Variants in IGSF9B observed in about 807,000 individuals in gnomAD.
IGSF9B encodes protein turtle homolog B.
In IGSF9B, 48 loss-of-function variants were observed where a neutral mutation model predicts 143.7. That is an observed-to-expected ratio of 0.33 (90% CI 0.26 to 0.42). The LOEUF (loss-of-function observed/expected upper bound fraction) is 0.42, where lower values mean the gene tolerates loss of function less well. IGSF9B is among the 20% of genes least tolerant of loss of function. The pLI, the probability that IGSF9B is intolerant of heterozygous loss-of-function variation, is 1.00. For missense variants in IGSF9B, 1,706 were observed against 1,980.0 expected, an observed-to-expected ratio of 0.86 and a Z score of 2.63; for synonymous variants, 903 against 833.1, an observed-to-expected ratio of 1.08 and a Z score of -1.44.
At position 133,924,805 on chromosome 11, in the gene IGSF9B, C is replaced by T. The variant is rs754521385; in HGVS notation, c.2119+15G>A. 1 of 1,611,874 alleles carries T rather than the reference C, an allele frequency of 6.2e-7. No homozygotes were observed. Among genetic ancestry groups the T allele is most frequent in the South Asian group, 1.1e-5 (1 of 91,036 alleles). On this transcript the variant is annotated intron_variant, in intron 15 of 19. Transcript: ENST00000533871. ...ATGTCCCTATAGTTGCAAGAGCACCCTCAACCCAAAATACCTGTGCTGGAG... is the reference window on the plus strand; with the variant it reads ...ATGTCCCTATAGTTGCAAGAGCACCTTCAACCCAAAATACCTGTGCTGGAG...
chr11:133,920,722 CA>C lies in IGSF9B; in HGVS notation c.3002del (p.Leu1001ArgfsTer27), dbSNP rs1939513356. On this transcript the variant is annotated frameshift_variant, in exon 18 of 20. Transcript: ENST00000533871. LOFTEE classifies it high-confidence loss of function. ...PLSSVMSSPP[L>X]PTEGPFGHPT... ...GGTGGCCAAAGGGCCCCTCGGTGGG[CA>C]GGGGCGGGGACGACATGACGGAGCT... 1 of 1,612,762 alleles carries C rather than the reference CA, an allele frequency of 6.2e-7. No individual in the cohort carries two copies.
At chr11:133,921,463 C>T in intron 17 of IGSF9B, 66 bp from the exon 18 acceptor site, 1 of 1,271,908 alleles carries the variant, frequency 7.9e-7, no homozygotes, top group South Asian at 1.7e-5. Context: ...GACTTCCTTT[C>T]CCTCTCTCGG....
chr11:133,902,018 CACACACCATACCA>C lies in IGSF9B; in HGVS notation c.*7038_*7050del, dbSNP rs1446862394. Among the ~76,000 whole-genome samples the C allele has an allele frequency of 7.3e-6, 1 of 137,044 alleles. No individual in the cohort carries two copies. Among genetic ancestry groups the C allele is most frequent in the Admixed American group, 7.1e-5 (1 of 14,074 alleles). The allele number at this position is 137,044 out of a possible 152,430, so 89.9% of individuals were successfully genotyped here. A position where few individuals can be genotyped will look rare whatever the true frequency, so the allele number is the denominator to read the frequency against. The stretch of plus-strand genomic sequence containing the variant: ...CACACACACACACACACCAGACATA[CACACACCATACCA>C]CACACCACACCCACACACAATACAC... On this transcript the variant is annotated 3_prime_UTR_variant, in exon 20 of 20. Coordinates refer to ENST00000533871, the MANE Select transcript of IGSF9B (RefSeq NM_001277285.4).
At chr11:133,940,790 C>T (rs1380597115) in intron 3 of IGSF9B, among the ~76,000 whole-genome samples, 1 of 152,224 alleles carries the variant, frequency 6.6e-6, no homozygotes, top group Non-Finnish European at 1.5e-5. Flanking sequence ...AAAACATACA[C>T]CTCGCATGTC....
intron 7 of IGSF9B, among the ~76,000 whole-genome samples, chr11:133,934,660 C>T (rs1328316330): frequency 2.6e-5 from 4 of 152,094 alleles, no homozygotes; most frequent in Non-Finnish European, 4.4e-5. Context: ...GCTCCACCAC[C>T]GCGACCAGTG....
rs1224577107 is a variant in IGSF9B at position 133,937,904 on chromosome 11, C to T, written c.467G>A (p.Ser156Asn). The T allele has an allele frequency of 1.2e-6, 2 of 1,612,784 alleles. No homozygotes were observed. The highest frequency in any genetic ancestry group is 1.7e-6 in the Non-Finnish European group (2 of 1,179,384). Residue 156 changes from serine to asparagine, a missense_variant, in exon 4 of 20, where the codon AGT becomes AAT. By Grantham distance (46) the Ser-to-Asn change is conservative. This residue lies in a region of IGSF9B where 171 missense variants were observed against 213.9 expected (regional missense o/e 0.80). Coordinates refer to ENST00000533871, the MANE Select transcript of IGSF9B (RefSeq NM_001277285.4). ...AAAAGCTGTGCAGGTCATGGTGATA[C>T]TACCACCCTCCTTGGCCTCGATGTA... is the stretch of plus-strand genomic sequence containing the variant. The part of the protein sequence containing the change: ...PQYIEAKEGG[S>N]ITMTCTAFGN...
rs1939081144 is a variant in IGSF9B, at chr11:133,899,472, T to C, written c.*9597A>G. 6.6e-6 allele frequency: 1 copy of C among 152,268 alleles called. No individual in the cohort carries two copies. Among genetic ancestry groups the C allele is most frequent in the South Asian group, 2.1e-4 (1 of 4,836 alleles). The allele number at this position is 152,268 out of a possible 1,614,324, so 9.4% of individuals were successfully genotyped here. A position where few individuals can be genotyped will look rare whatever the true frequency, so the allele number is the denominator to read the frequency against. ...CTAACATCCCCTCCACACTGTACAA[T>C]TTCAAGGTAGGGGCTATGGCCCCAT... On this transcript the variant is annotated 3_prime_UTR_variant, in exon 20 of 20. Transcript: ENST00000533871.
intron 18 of IGSF9B, among the ~76,000 whole-genome samples, chr11:133,914,803 T>C (rs551332329): frequency 6.6e-6 from 1 of 152,274 alleles, no homozygotes; most frequent in South Asian, 2.1e-4. Context: ...AAAAGACACA[T>C]AGAATGTGAC....
intron 1 of IGSF9B, 34 bp downstream of exon 1, chr11:133,956,657 A>T: frequency 6.9e-7 from 1 of 1,449,730 alleles, no homozygotes. Flanking sequence ...GGGCGCCGGG[A>T]GGGGCAGGGG....
chr11:133,922,147 C>A (rs765428671), intron 17 of IGSF9B, 30 bp downstream of exon 17: 5 of 1,605,424 alleles, frequency 3.1e-6, no homozygotes, highest in Non-Finnish European at 4.3e-6. Context: ...CCATGAACAG[C>A]ACAATTCTCC....
At chr11:133,921,712 A>T (rs557740625) in intron 17 of IGSF9B, among the ~76,000 whole-genome samples, 3 of 151,372 alleles carry the variant, frequency 2.0e-5, no homozygotes, top group Admixed American at 6.6e-5. Context: ...CCCCCCCATC[A>T]TCCGTCTTTC....
intron 7 of IGSF9B, among the ~76,000 whole-genome samples, chr11:133,935,247 A>T (rs1818497183): frequency 6.6e-6 from 1 of 152,206 alleles, no homozygotes; most frequent in African/African-American, 2.4e-5. Context: ...TATGCTCCAT[A>T]AGACACCTGA....
At chr11:133,922,319 A>C (rs1198302962) in intron 16 of IGSF9B, 97 bp from the exon 17 acceptor site, 2 of 1,188,646 alleles carry the variant, frequency 1.7e-6, no homozygotes, top group Non-Finnish European at 2.4e-6. Flanking sequence ...GCACCACCGC[A>C]CAGGGAAGGA....
intron 3 of IGSF9B, among the ~76,000 whole-genome samples, chr11:133,939,790 T>C (rs1328991526): frequency 6.6e-6 from 1 of 150,606 alleles, no homozygotes. Context: ...TCGCCCGTCC[T>C]CGCACGCGTC....
rs1411918255 is a variant in IGSF9B, at chr11:133,956,872, G to A, written c.-118C>T. 2 of 513,794 alleles carry A rather than the reference G, an allele frequency of 3.9e-6. No homozygotes were observed. Among genetic ancestry groups the A allele is most frequent in the Non-Finnish European group, 6.2e-6 (2 of 322,378 alleles). The allele number at this position is 513,794 out of a possible 1,614,324, so 31.8% of individuals were successfully genotyped here. On this transcript the variant is annotated 5_prime_UTR_variant, in exon 1 of 20. Transcript: ENST00000533871. ...CTCGCGCCGCCTACGCCCCGCGCCG[G>A]TGCTCCTGCAGCCCGGGTGGCCAGC...
chr11:133,920,756 C>T lies in IGSF9B; in HGVS notation c.2969G>A (p.Ser990Asn), dbSNP rs773909542. 6.2e-7 allele frequency: 1 copy of T among 1,612,478 alleles called. No individual in the cohort carries two copies. The highest frequency in any genetic ancestry group is 8.5e-7 in the Non-Finnish European group (1 of 1,179,422). ...GGACGACATGACGGAGCTCAGGGGG[C>T]TGCCCACTTCTGGCACGTAGAACGG... ...PPPFYVPEVG[S>N]PLSSVMSSPP... is the part of the protein sequence containing the mutation. The change falls in exon 18 of 20, where the codon AGC becomes AAC. Residue 990 changes from serine to asparagine, a missense_variant. By Grantham distance (46) the Ser-to-Asn change is conservative. Transcript: ENST00000533871.
At chr11:133,940,008 C>A (rs1037481694) in intron 3 of IGSF9B, among the ~76,000 whole-genome samples, 21 of 149,832 alleles carry the variant, frequency 1.4e-4, no homozygotes, top group African/African-American at 4.7e-4. Flanking sequence ...CACGTCATCG[C>A]ACGCGTCATC....
rs1418336241 is a variant in IGSF9B at position 133,913,943 on chromosome 11, C to T, written c.3984-1936G>A. On this transcript the variant is annotated intron_variant, in intron 18 of 19. Coordinates refer to ENST00000533871, the MANE Select transcript of IGSF9B (RefSeq NM_001277285.4). The surrounding 1 kb of genome is among the most constrained non-coding windows in gnomAD (Gnocchi z 4.6). ...GGTGAGCGACGTGTGGTCAGGGAGGCGCATGACCGGCAAGAAGAGTGCTCT... is the reference window on the plus strand; with the variant it reads ...GGTGAGCGACGTGTGGTCAGGGAGGTGCATGACCGGCAAGAAGAGTGCTCT... 1.3e-5 allele frequency among the ~76,000 whole-genome samples: 2 copies of T among 152,118 alleles called. No homozygotes were observed. The highest frequency in any genetic ancestry group is 1.9e-4 in the East Asian group (1 of 5,174).
intron 18 of IGSF9B, chr11:133,919,047 T>A: frequency 2.0e-6 from 1 of 495,138 alleles, no homozygotes; most frequent in Non-Finnish European, 4.1e-6. Context: ...TGCTACAGTT[T>A]AGAGAGTGCT....
Sources: gnomAD v4.1 joint callset for allele counts (sites outside exome capture counted in the v4.1 genomes callset) on GRCh38, gnomAD v4.1.1 for gene constraint, gnomAD v4.1.1 regional missense constraint, Gnocchi (gnomAD v3.1) non-coding constraint, MANE v1.5 for transcripts, NCBI Gene and HGNC (gene_info 2026-07-23, HGNC 2026-07-21) for gene names.